The following PRKCA variants were observed in gnomAD, a reference collection of about 807,000 sequenced individuals.
PRKCA encodes the protein protein kinase C alpha type.
Under a neutral mutation model 87.0 loss-of-function variants are expected in PRKCA, and 27 were observed. The ratio of observed to expected loss-of-function variants is 0.31; its 90% CI spans 0.23 to 0.43. PRKCA has a LOEUF of 0.43. PRKCA is among the 20% of genes least tolerant of loss of function. The pLI is 1.00. For synonymous variants in PRKCA, 329 were observed against 311.1 expected (o/e 1.06, Z -0.61); for missense variants, 518 against 852.3 (o/e 0.61, Z 4.88).
At chr17:66,517,705 C>T (rs1295856583) in intron 3 of PRKCA, among the ~76,000 whole-genome samples, 1 of 152,180 alleles carries the variant, frequency 6.6e-6, no homozygotes, top group Non-Finnish European at 1.5e-5. Flanking sequence ...GGCCTCTTAG[C>T]ATAATGGATA....
intron 3 of PRKCA, among the ~76,000 whole-genome samples, chr17:66,529,619 A>G (rs1289752255): frequency 6.6e-6 from 1 of 152,166 alleles, no homozygotes; most frequent in Non-Finnish European, 1.5e-5. Context: ...AGTTTTCTCC[A>G]CAGGTAAAAT....
chr17:66,445,510 C>G (rs1913987544), intron 2 of PRKCA, among the ~76,000 whole-genome samples: 1 of 152,216 alleles, frequency 6.6e-6, no homozygotes, highest in Non-Finnish European at 1.5e-5. Context: ...TGAAACCATC[C>G]TGGGAAGAGA....
At chr17:66,483,314 C>T (rs1050466023) in intron 2 of PRKCA, among the ~76,000 whole-genome samples, 1 of 152,028 alleles carries the variant, frequency 6.6e-6, no homozygotes, top group South Asian at 2.1e-4. Context: ...TCCATGACTC[C>T]CCCTGGCTTC....
intron 8 of PRKCA, among the ~76,000 whole-genome samples, chr17:66,719,254 G>A (rs969083464): frequency 3.3e-5 from 5 of 152,030 alleles, no homozygotes; most frequent in Non-Finnish European, 5.9e-5. Flanking sequence ...AGGATATGAT[G>A]CAGTCACTCA....
At chr17:66,576,938 G>A (rs975728458) in intron 3 of PRKCA, among the ~76,000 whole-genome samples, 8 of 150,160 alleles carry the variant, frequency 5.3e-5, no homozygotes, top group Non-Finnish European at 8.8e-5. Flanking sequence ...CCAGTGGTGC[G>A]ATCTTGGCTC....
Position 66,615,681 on chromosome 17 carries a change from G to A in PRKCA, c.289-25674G>A, listed in dbSNP as rs181810980. 2.6e-5 allele frequency among the ~76,000 whole-genome samples: 4 copies of A among 152,274 alleles called. No individual in the cohort carries two copies. In the East Asian group the frequency reaches 7.7e-4, roughly 29 times the overall value. On this transcript the variant is annotated intron_variant, in intron 3 of 16. Coordinates refer to ENST00000413366, the MANE Select transcript of PRKCA (RefSeq NM_002737.3). ...TTGCCAGAGGTGCCTCCACTGTAAA[G>A]CAAACCCACAGATAGTAACTGTTGA...
At chr17:66,385,755 A>T (rs909672558) in intron 2 of PRKCA, among the ~76,000 whole-genome samples, 1 of 152,114 alleles carries the variant, frequency 6.6e-6, no homozygotes, top group Non-Finnish European at 1.5e-5. Flanking sequence ...ATTCAAACAG[A>T]TGGAAGGGCA....
intron 5 of PRKCA, among the ~76,000 whole-genome samples, chr17:66,651,905 A>G (rs8076888): frequency 0.051 from 7,813 of 152,216 alleles, 685 homozygotes; most frequent in African/African-American, 0.18. Context: ...TACTTGATGA[A>G]CAGCAACCTC....
intron 13 of PRKCA, among the ~76,000 whole-genome samples, chr17:66,756,050 C>A (rs1355797440): frequency 6.6e-6 from 1 of 152,192 alleles, no homozygotes; most frequent in Non-Finnish European, 1.5e-5. Context: ...TAAGTGTGGA[C>A]AAGTCTGAGA....
intron 2 of PRKCA, among the ~76,000 whole-genome samples, chr17:66,350,051 T>C (rs11079651): frequency 0.53 from 79,835 of 151,950 alleles, 24,092 homozygotes; most frequent in Non-Finnish European, 0.69. Flanking sequence ...AAAAAAGATA[T>C]TGTAACTAAA....
At chr17:66,801,846 A>G (rs1975907623) in intron 16 of PRKCA, among the ~76,000 whole-genome samples, 1 of 152,172 alleles carries the variant, frequency 6.6e-6, no homozygotes, top group African/African-American at 2.4e-5. Flanking sequence ...GCCCCACCAC[A>G]CACATCACCC....
chr17:66,636,667 A>C (rs1370307955), intron 3 of PRKCA, among the ~76,000 whole-genome samples: 1 of 152,214 alleles, frequency 6.6e-6, no homozygotes, highest in African/African-American at 2.4e-5. Context: ...TAATGTAATA[A>C]TAATTGCTTA....
chr17:66,748,490 C>T (rs776433459), intron 13 of PRKCA, among the ~76,000 whole-genome samples: 12 of 152,148 alleles, frequency 7.9e-5, no homozygotes, highest in Non-Finnish European at 1.8e-4. Context: ...AAGCACTAGA[C>T]AGCCGTCTCG....
At chr17:66,602,166 G>T (rs1970060180) in intron 3 of PRKCA, among the ~76,000 whole-genome samples, 1 of 26,010 alleles carries the variant, frequency 3.8e-5, no homozygotes. Flanking sequence ...CCCTCCCCCA[G>T]CCTCGTTGCC....
rs1338052536 is a variant in PRKCA, at chr17:66,805,739, C to G, written c.*1702C>G. 6.6e-6 allele frequency: 1 copy of G among 152,104 alleles called. No homozygotes were observed. The highest frequency in any genetic ancestry group is 1.5e-5 in the Non-Finnish European group (1 of 68,024). The allele number at this position is 152,104 out of a possible 1,614,324, so 9.4% of individuals were successfully genotyped here. A position where few individuals can be genotyped will look rare whatever the true frequency, so the allele number is the denominator to read the frequency against. On this transcript the variant is annotated 3_prime_UTR_variant, in exon 17 of 17. Transcript: ENST00000413366. ...CAGGAAGTGTCTGATTCCAGTCTGC[C>G]TAGTACGTTGGTACACACGTGGCAT... is the stretch of plus-strand genomic sequence containing the variant.
At position 66,332,760 on chromosome 17, in the gene PRKCA, C is replaced by T. The variant is rs572810630; in HGVS notation, c.205+26633C>T. On this transcript the variant is annotated intron_variant, in intron 2 of 16. Coordinates refer to ENST00000413366, the MANE Select transcript of PRKCA (RefSeq NM_002737.3). ...AGGCTGGAGTGCAGTGGCATGATCTCGGCTCACTGCAAGCTCCACCTCCCA... is the reference window on the plus strand; with the variant it reads ...AGGCTGGAGTGCAGTGGCATGATCTTGGCTCACTGCAAGCTCCACCTCCCA... Among the ~76,000 whole-genome samples the T allele has an allele frequency of 6.7e-3, 1,014 of 150,272 alleles. 7 individuals are homozygous for T. The highest frequency in any genetic ancestry group is 0.023 in the African/African-American group (956 of 40,788).
intron 8 of PRKCA, among the ~76,000 whole-genome samples, chr17:66,726,727 CTT>C (rs770732800): frequency 3.5e-5 from 5 of 142,328 alleles, no homozygotes; most frequent in Admixed American, 1.4e-4. Context: ...GGACCACTGT[CTT>C]TTTTTTTTTT....
chr17:66,787,909 T>C (rs754772565), intron 15 of PRKCA, among the ~76,000 whole-genome samples: 6 of 152,256 alleles, frequency 3.9e-5, no homozygotes, highest in African/African-American at 1.2e-4. Context: ...AGTGTTCCAC[T>C]GTGTGAACAC....
intron 4 of PRKCA, among the ~76,000 whole-genome samples, chr17:66,642,517 C>T (rs1409240213): frequency 6.6e-6 from 1 of 152,068 alleles, no homozygotes; most frequent in Admixed American, 6.6e-5. Flanking sequence ...AAGTTAATTG[C>T]CGAGCCTGTT....
Sources: allele counts gnomAD v4.1 joint callset (sites outside exome capture counted in the v4.1 genomes callset), GRCh38; gene constraint gnomAD v4.1.1; transcripts MANE v1.5; gene names NCBI Gene and HGNC (gene_info 2026-07-23, HGNC 2026-07-21).